Variants in CSGALNACT1 observed in about 807,000 individuals in gnomAD.
CSGALNACT1 encodes the protein beta4GalNAcT-1.
In CSGALNACT1, 52 loss-of-function variants were observed where a neutral mutation model predicts 51.0. The observed-to-expected ratio is 1.02, with a 90% CI of 0.82 to 1.29. The LOEUF is 1.29. CSGALNACT1 is among the 50% of genes most tolerant of loss of function. The pLI is 0.00. For synonymous variants in CSGALNACT1, 341 were observed against 254.4 expected, an observed-to-expected ratio of 1.34 and a Z score of -3.24; for missense variants, 935 against 679.2, an observed-to-expected ratio of 1.38 and a Z score of -4.19.
intron 3 of CSGALNACT1, among the ~76,000 whole-genome samples, chr8:19,553,305 TA>T (rs1244752065): frequency 6.6e-6 from 1 of 151,992 alleles, no homozygotes; most frequent in Non-Finnish European, 1.5e-5. Flanking sequence ...TTCTGTTTAT[TA>T]AATGGTACCC....
chr8:19,519,478 TG>T (rs1374501784), intron 3 of CSGALNACT1, among the ~76,000 whole-genome samples: 1 of 152,198 alleles, frequency 6.6e-6, no homozygotes, highest in East Asian at 1.9e-4. Flanking sequence ...GGGAAGGCGA[TG>T]TCCACAGCAG....
At chr8:19,658,237 T>C (rs1168997816) in intron 1 of CSGALNACT1, among the ~76,000 whole-genome samples, 3 of 151,812 alleles carry the variant, frequency 2.0e-5, no homozygotes, top group African/African-American at 4.8e-5. Flanking sequence ...AGCCAGGAGG[T>C]AGCTGTCTGG....
At chr8:19,436,600 A>G (rs6984145) in intron 6 of CSGALNACT1, among the ~76,000 whole-genome samples, 69,620 of 152,080 alleles carry the variant, frequency 0.46, 17,467 homozygotes, top group East Asian at 0.83. Context: ...TTCATGTATA[A>G]GCTCATATAT....
At chr8:19,716,743 G>C (rs922578797) in intron 1 of CSGALNACT1, among the ~76,000 whole-genome samples, 1 of 150,868 alleles carries the variant, frequency 6.6e-6, no homozygotes, top group African/African-American at 2.4e-5. Context: ...AGTGGGCCAA[G>C]ATCGTACCAC....
At chr8:19,624,676 GTTTT>G (rs552913018) in intron 1 of CSGALNACT1, among the ~76,000 whole-genome samples, 5 of 144,324 alleles carry the variant, frequency 3.5e-5, no homozygotes, top group Non-Finnish European at 6.1e-5. Context: ...CCATCTTCTT[GTTTT>G]TTTTTTTTCT....
chr8:19,541,258 T>A (rs2154070379), intron 3 of CSGALNACT1, among the ~76,000 whole-genome samples: 1 of 148,362 alleles, frequency 6.7e-6, no homozygotes, highest in East Asian at 2.0e-4. Context: ...TTTTTTTTTT[T>A]TTTTTTTTTT....
chr8:19,704,433 G>A (rs1357975514), intron 1 of CSGALNACT1, among the ~76,000 whole-genome samples: 1 of 152,208 alleles, frequency 6.6e-6, no homozygotes, highest in Non-Finnish European at 1.5e-5. Context: ...ATCAAGTGTT[G>A]TCGAGGACTT....
intron 5 of CSGALNACT1, 21 bp downstream of exon 4, chr8:19,458,405 A>T (rs1034142954): frequency 1.9e-6 from 3 of 1,588,624 alleles, no homozygotes. Flanking sequence ...GAGGAAGATA[A>T]ACACGTGCGA....
chr8:19,742,147 C>T (rs987507577), intron 1 of CSGALNACT1, among the ~76,000 whole-genome samples: 23 of 152,186 alleles, frequency 1.5e-4, no homozygotes, highest in African/African-American at 5.6e-4. Context: ...TGAGACAGCG[C>T]TTGGCACACA....
intron 3 of CSGALNACT1, among the ~76,000 whole-genome samples, chr8:19,539,875 G>A (rs2084682539): frequency 6.6e-6 from 1 of 152,182 alleles, no homozygotes; most frequent in South Asian, 2.1e-4. Context: ...GAGGGAGGGG[G>A]ACAGGAGGGG....
chr8:19,440,119 A>G lies in CSGALNACT1; in HGVS notation c.852-188T>C, dbSNP rs1205312334. Among the ~76,000 whole-genome samples the G allele has an allele frequency of 3.9e-5, 6 of 152,214 alleles. No homozygotes were observed. The East Asian group carries it at 1.2e-3, about 29-fold the overall frequency. On this transcript the variant is annotated intron_variant, in intron 5 of 9. Coordinates refer to ENST00000454498, the Ensembl canonical transcript of CSGALNACT1. ...AACTATCTGTATTTGTATTCATCTT[A>G]TCGGGACAACAAGGAAATTTAAACA...
intron 1 of CSGALNACT1, among the ~76,000 whole-genome samples, chr8:19,674,983 C>T (rs925612155): frequency 6.6e-6 from 1 of 152,090 alleles, no homozygotes; most frequent in African/African-American, 2.4e-5. Flanking sequence ...GGTCAAGAAT[C>T]CATCTTGAGA....
At chr8:19,709,116 G>C (rs902048153) in intron 1 of CSGALNACT1, among the ~76,000 whole-genome samples, 4 of 152,174 alleles carry the variant, frequency 2.6e-5, no homozygotes, top group African/African-American at 9.7e-5. Flanking sequence ...TCAGGAAACA[G>C]GAACAGGGCT....
At chr8:19,498,720 G>C (rs536649541) in intron 4 of CSGALNACT1, among the ~76,000 whole-genome samples, 1 of 152,248 alleles carries the variant, frequency 6.6e-6, no homozygotes, top group South Asian at 2.1e-4. Flanking sequence ...ATAAACTCAA[G>C]TTCCTTCATC....
At chr8:19,566,389 T>C (rs946862689) in intron 3 of CSGALNACT1, among the ~76,000 whole-genome samples, 3 of 152,144 alleles carry the variant, frequency 2.0e-5, no homozygotes, top group African/African-American at 7.2e-5. Context: ...GAATATCTAG[T>C]CTTTAGAACC....
At chr8:19,750,751 T>G (rs569265559) in intron 1 of CSGALNACT1, among the ~76,000 whole-genome samples, 2 of 152,178 alleles carry the variant, frequency 1.3e-5, no homozygotes, top group East Asian at 3.9e-4. Flanking sequence ...CCCTGCAGTG[T>G]CTGGCAGAGT....
rs376796472 is a variant in CSGALNACT1, at chr8:19,567,124, C to T, written c.-297+24036G>A. On this transcript the variant is annotated intron_variant, in intron 3 of 9. Transcript: ENST00000454498. ...CTAATGGCAAAACACAGGCTTAGGG[C>T]ACAGATTGGTTCAACTGAAAAGACT... is the stretch of plus-strand genomic sequence containing the variant. Among the ~76,000 whole-genome samples, 6 of 152,292 alleles carry T rather than the reference C, an allele frequency of 3.9e-5. No homozygotes were observed. The East Asian group carries it at 1.2e-3, about 29-fold the overall frequency.
chr8:19,645,558 G>A (rs889912419), intron 1 of CSGALNACT1, among the ~76,000 whole-genome samples: 9 of 152,218 alleles, frequency 5.9e-5, no homozygotes, highest in South Asian at 2.1e-4. Context: ...AGATAACAAG[G>A]AACCTCGAAG....
intron 1 of CSGALNACT1, among the ~76,000 whole-genome samples, chr8:19,615,802 C>T (rs2154155648): frequency 6.6e-6 from 1 of 152,202 alleles, no homozygotes; most frequent in South Asian, 2.1e-4. Flanking sequence ...AGATGAATGA[C>T]AACATTTATA....
Sources: gnomAD v4.1 joint callset for allele counts (sites outside exome capture counted in the v4.1 genomes callset) on GRCh38, gnomAD v4.1.1 for gene constraint, MANE v1.5 for transcripts, NCBI Gene and HGNC (gene_info 2026-07-23, HGNC 2026-07-21) for gene names.